CELF2: variants seen among roughly 807,000 people sequenced by gnomAD.
CELF2 encodes CUGBP Elav-like family member 2.
A neutral mutation model predicts 62.6 loss-of-function variants in CELF2; 8 were observed. That is an observed-to-expected ratio of 0.13 (90% CI 0.07 to 0.23). The LOEUF is 0.23. CELF2 is among the 10% of genes least tolerant of loss of function. The pLI is 1.00. For missense variants in CELF2, 333 were observed against 671.0 expected (o/e 0.50, Z 5.56); for synonymous variants, 258 against 250.0 (o/e 1.03, Z -0.30).
intron 1 of CELF2, among the ~76,000 whole-genome samples, chr10:11,038,499 TAGAC>T (rs2061324979): frequency 6.6e-6 from 1 of 152,206 alleles, no homozygotes; most frequent in Non-Finnish European, 1.5e-5. Flanking sequence ...TTAATCCTAT[TAGAC>T]AGTGATTACT....
chr10:10,912,278 C>G (rs1009696866), intron 1 of CELF2, among the ~76,000 whole-genome samples: 3 of 152,194 alleles, frequency 2.0e-5, no homozygotes, highest in African/African-American at 7.2e-5. Flanking sequence ...ACCCCGCTAC[C>G]TTGCTTCATC....
the CELF2 span, among the ~76,000 whole-genome samples, chr10:10,694,030 T>G: frequency 6.7e-6 from 1 of 150,052 alleles, no homozygotes; most frequent in Non-Finnish European, 1.5e-5. Flanking sequence ...GCTCTGATTT[T>G]AGTTATTTCT....
intron 1 of CELF2, among the ~76,000 whole-genome samples, chr10:11,032,086 C>G (rs181860356): frequency 7.1e-6 from 1 of 140,950 alleles, no homozygotes; most frequent in East Asian, 2.0e-4. Context: ...GGGGCAGGTG[C>G]GATTGCATCC....
At chr10:10,830,552 C>T (rs190143154) in intron 1 of CELF2, among the ~76,000 whole-genome samples, 14 of 152,158 alleles carry the variant, frequency 9.2e-5, no homozygotes, top group Non-Finnish European at 1.9e-4. Flanking sequence ...ATAATAATAA[C>T]TTACAATTCA....
In CELF2 at chr10:11,157,541, T is replaced by C. The variant is rs746963997; in HGVS notation, c.75-7945T>C. Among the ~76,000 whole-genome samples, 94 of 152,190 alleles carry C rather than the reference T, an allele frequency of 6.2e-4. No homozygotes were observed. Among genetic ancestry groups the C allele is most frequent in the Non-Finnish European group, 2.4e-4 (16 of 68,034 alleles). On this transcript the variant is annotated intron_variant, in intron 1 of 12. Coordinates refer to ENST00000633077, the MANE Select transcript of CELF2 (RefSeq NM_001326342.2). The surrounding 1 kb of genome is among the most constrained non-coding windows in gnomAD (Gnocchi z 4.9). ...TTATTTATTGCTCTATTATAGGCCT[T>C]ATACCACATTGGTTTTGGTTTTATG... is the stretch of plus-strand genomic sequence containing the variant.
chr10:10,649,434 A>G, the CELF2 span, among the ~76,000 whole-genome samples: 1 of 152,196 alleles, frequency 6.6e-6, no homozygotes, highest in Non-Finnish European at 1.5e-5. Context: ...TCAAGTTAAT[A>G]TTGCCAACTG....
chr10:11,335,416 T>G lies in CELF2; in HGVS notation c.*6363T>G, dbSNP rs969295702. 1 of 152,392 alleles carries G rather than the reference T, an allele frequency of 6.6e-6. No homozygotes were observed. The highest frequency in any genetic ancestry group is 2.4e-5 in the African/African-American group (1 of 41,458). 9.4% of individuals were successfully genotyped at this position (152,392 alleles called of 1,614,324 possible). Reference sequence around the variant, plus strand: ...TGCGTGCCAGTGAAATCTCTCCCAGTAGGTGCTCAGGCTCTTCACCCTCTC... The same window carrying G: ...TGCGTGCCAGTGAAATCTCTCCCAGGAGGTGCTCAGGCTCTTCACCCTCTC... On this transcript the variant is annotated 3_prime_UTR_variant, in exon 13 of 13. Transcript: ENST00000633077. The surrounding 1 kb of genome is among the most constrained non-coding windows in gnomAD (Gnocchi z 5.0).
chr10:10,666,320 A>G, the CELF2 span, among the ~76,000 whole-genome samples: 2 of 152,126 alleles, frequency 1.3e-5, no homozygotes, highest in Admixed American at 1.3e-4. Context: ...TCAAGAGGAA[A>G]TAAGTCAGTG....
intron 1 of CELF2, among the ~76,000 whole-genome samples, chr10:11,134,562 CTG>C (rs1465537104): frequency 1.3e-5 from 2 of 152,216 alleles, no homozygotes; most frequent in African/African-American, 4.8e-5. Flanking sequence ...ATAGGTGACT[CTG>C]TCTTCCGTAC....
rs572314049 is a variant in CELF2, at chr10:11,071,465, G to A, written c.74+53302G>A. The A allele has an allele frequency of 2.0e-5, 3 of 152,332 alleles. No homozygotes were observed. The South Asian group carries it at 6.2e-4, about 32-fold the overall frequency. The allele number at this position is 152,332 out of a possible 1,614,324, so 9.4% of individuals were successfully genotyped here. On this transcript the variant is annotated intron_variant, in intron 1 of 12. Transcript: ENST00000633077. ...AACTGGGATTCAAACCCAGGTGACT[G>A]AGGCTACACATTTCCTGACTTATCT...
chr10:11,035,650 T>C (rs1242051844), intron 1 of CELF2, among the ~76,000 whole-genome samples: 2 of 152,358 alleles, frequency 1.3e-5, no homozygotes, highest in East Asian at 3.9e-4. Context: ...GGCTAATTGC[T>C]CTTTCTCCTA....
At position 11,255,674 on chromosome 10, in the gene CELF2, TCTGACCCCCCA is replaced by T. The variant is rs1175616456; in HGVS notation, c.404-2061_404-2051del. On this transcript the variant is annotated intron_variant, in intron 4 of 12. Coordinates refer to ENST00000633077, the MANE Select transcript of CELF2 (RefSeq NM_001326342.2). The surrounding 1 kb of genome is among the most constrained non-coding windows in gnomAD (Gnocchi z 5.5). Reference sequence around the variant, plus strand: ...GGGGAGAGAGCTGGGTGGAAGGGATTCTGACCCCCCACTCACCGTCCCTGCCTCAAGAGCCC... The same window carrying T: ...GGGGAGAGAGCTGGGTGGAAGGGATTCTCACCGTCCCTGCCTCAAGAGCCC... Among the ~76,000 whole-genome samples the T allele has an allele frequency of 3.3e-5, 5 of 152,080 alleles. No individual in the cohort carries two copies. The highest frequency in any genetic ancestry group is 3.3e-4 in the Admixed American group (5 of 15,258).
the CELF2 span, among the ~76,000 whole-genome samples, chr10:10,773,826 A>G: frequency 6.6e-6 from 1 of 152,146 alleles, no homozygotes; most frequent in African/African-American, 2.4e-5. Context: ...CACATGGCCC[A>G]GACCCACTGC....
At position 11,242,175 on chromosome 10, in the gene CELF2, G is replaced by C. The variant is rs2136951903; in HGVS notation, c.355-6978G>C. Among the ~76,000 whole-genome samples, 1 of 152,298 alleles carries C rather than the reference G, an allele frequency of 6.6e-6. No homozygotes were observed. Among genetic ancestry groups the C allele is most frequent in the South Asian group, 2.1e-4 (1 of 4,830 alleles). ...GCACGGCTGCTCTCTCCAGGGGTCA[G>C]GATGGGTTTAATAATGAGATGCGTA... On this transcript the variant is annotated intron_variant, in intron 3 of 12. Coordinates refer to ENST00000633077, the MANE Select transcript of CELF2 (RefSeq NM_001326342.2). This position sits in a 1 kb window ranked among gnomAD's most constrained non-coding sequence, Gnocchi z 4.8.
the CELF2 span, among the ~76,000 whole-genome samples, chr10:10,651,057 G>A: frequency 6.6e-6 from 1 of 151,852 alleles, no homozygotes; most frequent in Non-Finnish European, 1.5e-5. Flanking sequence ...TGCCTCACTT[G>A]GGAAGCGCAA....
intron 4 of CELF2, among the ~76,000 whole-genome samples, chr10:11,251,300 A>G (rs995626072): frequency 3.7e-5 from 1 of 27,276 alleles, no homozygotes; most frequent in Non-Finnish European, 7.1e-5. Flanking sequence ...TTTTTTTTGC[A>G]TTTTCTGCTG....
the CELF2 span, among the ~76,000 whole-genome samples, chr10:10,511,696 C>T: frequency 6.6e-6 from 1 of 152,058 alleles, no homozygotes; most frequent in African/African-American, 2.4e-5. Context: ...TAATTTCTTT[C>T]AATCTATCTG....
chr10:11,094,532 G>A (rs978390918), intron 1 of CELF2, among the ~76,000 whole-genome samples: 1 of 152,138 alleles, frequency 6.6e-6, no homozygotes, highest in Admixed American at 6.5e-5. Context: ...TGAAGTGGTC[G>A]ACAATAAGGC....
chr10:11,138,366 T>C (rs1042472715), intron 1 of CELF2, among the ~76,000 whole-genome samples: 1 of 152,226 alleles, frequency 6.6e-6, no homozygotes, highest in Non-Finnish European at 1.5e-5. Flanking sequence ...CCTGGGCATT[T>C]TCTCTGTAGC....
Sources: allele counts gnomAD v4.1 joint callset (sites outside exome capture counted in the v4.1 genomes callset), GRCh38; gene constraint gnomAD v4.1.1; non-coding constraint Gnocchi (gnomAD v3.1); transcripts MANE v1.5; gene names NCBI Gene and HGNC (gene_info 2026-07-23, HGNC 2026-07-21).